The following GRID1 variants were observed in gnomAD, a reference collection of about 807,000 sequenced individuals.
The protein encoded by GRID1 is glutamate receptor ionotropic, delta-1.
A neutral mutation model predicts 98.0 loss-of-function variants in GRID1; 28 were observed. The observed-to-expected ratio is 0.29, with a 90% CI of 0.21 to 0.39. GRID1 has a LOEUF of 0.39. Among genes scored for constraint, GRID1 ranks in the 10% least tolerant of loss-of-function variants. GRID1 has a pLI of 1.00. For missense variants in GRID1, 1,111 were observed against 1,340.5 expected, an observed-to-expected ratio of 0.83 and a Z score of 2.67; for synonymous variants, 553 against 538.5, an observed-to-expected ratio of 1.03 and a Z score of -0.37.
chr10:86,264,566 G>A (rs1847072641), intron 2 of GRID1: 1 of 442,532 alleles, frequency 2.3e-6, no homozygotes, highest in Admixed American at 2.4e-5. Context: ...CACCTGGAGA[G>A]CAAGGTTTCC....
chr10:85,683,897 T>A (rs1291005263), intron 12 of GRID1, among the ~76,000 whole-genome samples: 1 of 152,104 alleles, frequency 6.6e-6, no homozygotes, highest in East Asian at 1.9e-4. Context: ...TCATCTATTT[T>A]CTCTCGCTGG....
At chr10:85,961,857 A>G (rs1842272042) in intron 4 of GRID1, among the ~76,000 whole-genome samples, 1 of 151,760 alleles carries the variant, frequency 6.6e-6, no homozygotes, top group African/African-American at 2.4e-5. Flanking sequence ...GACAAAAAGG[A>G]TGGAAGGAAG....
At chr10:86,118,113 T>C (rs4622200) in intron 4 of GRID1, among the ~76,000 whole-genome samples, 80,144 of 151,696 alleles carry the variant, frequency 0.53, 23,532 homozygotes, top group East Asian at 0.71. Context: ...TAGATATATA[T>C]ACACACACAC....
chr10:86,236,019 T>C (rs191807484), intron 2 of GRID1, among the ~76,000 whole-genome samples: 2 of 152,364 alleles, frequency 1.3e-5, no homozygotes, highest in East Asian at 1.9e-4. Flanking sequence ...GCTGGCAGTG[T>C]ATGAGGGTTC....
chr10:86,075,399 A>G (rs1843866434), intron 4 of GRID1, among the ~76,000 whole-genome samples: 1 of 150,528 alleles, frequency 6.6e-6, no homozygotes, highest in Admixed American at 6.6e-5. Context: ...TGATGCTGCC[A>G]CAAGCCAAGG....
chr10:85,897,846 A>C (rs1841315623), intron 5 of GRID1, among the ~76,000 whole-genome samples: 1 of 148,022 alleles, frequency 6.8e-6, no homozygotes, highest in African/African-American at 2.6e-5. Context: ...TTCTAACTGA[A>C]ATTTTGATTC....
intron 4 of GRID1, among the ~76,000 whole-genome samples, chr10:85,956,197 A>C (rs1842186804): frequency 1.3e-5 from 2 of 152,182 alleles, no homozygotes; most frequent in South Asian, 2.1e-4. Context: ...TCATTTCCTG[A>C]GTCAGACTGT....
intron 2 of GRID1, among the ~76,000 whole-genome samples, chr10:86,343,412 G>T (rs894612126): frequency 3.3e-5 from 5 of 152,202 alleles, no homozygotes; most frequent in African/African-American, 1.2e-4. Flanking sequence ...GGGCTTTACT[G>T]CCTGCCACCA....
chr10:86,097,713 T>C (rs1844241463), intron 4 of GRID1, among the ~76,000 whole-genome samples: 1 of 152,178 alleles, frequency 6.6e-6, no homozygotes, highest in African/African-American at 2.4e-5. Context: ...ATAATAACTA[T>C]ATGACACCAT....
At chr10:86,129,772 C>G (rs747295608) in intron 4 of GRID1, among the ~76,000 whole-genome samples, 1 of 152,220 alleles carries the variant, frequency 6.6e-6, no homozygotes, top group Non-Finnish European at 1.5e-5. Context: ...TCCCAACTCT[C>G]TGTCCTTCAA....
chr10:86,333,762 A>G (rs1443990248), intron 2 of GRID1, among the ~76,000 whole-genome samples: 1 of 152,208 alleles, frequency 6.6e-6, no homozygotes, highest in Non-Finnish European at 1.5e-5. Context: ...TATATTTACT[A>G]TTCCACTATT....
chr10:85,751,371 C>T (rs1842044338), intron 8 of GRID1, among the ~76,000 whole-genome samples: 1 of 152,160 alleles, frequency 6.6e-6, no homozygotes, highest in African/African-American at 2.4e-5. Context: ...GAAGGGTTTG[C>T]ACAGGAGACA....
In GRID1 at chr10:85,815,158, T is replaced by G. The variant is rs1051802637; in HGVS notation, c.1233+39338A>C. 5.3e-5 allele frequency among the ~76,000 whole-genome samples: 8 copies of G among 152,030 alleles called. No individual in the cohort carries two copies. In the South Asian group the frequency reaches 1.7e-3, roughly 31 times the overall value. ...CTGAAAACCTGAGAGAAAAAAATCATAATCATCTCCATGAACCATTCAACA... is the reference window on the plus strand; with the variant it reads ...CTGAAAACCTGAGAGAAAAAAATCAGAATCATCTCCATGAACCATTCAACA... On this transcript the variant is annotated intron_variant, in intron 8 of 15. Coordinates refer to ENST00000327946, the MANE Select transcript of GRID1 (RefSeq NM_017551.3).
intron 2 of GRID1, among the ~76,000 whole-genome samples, chr10:86,227,609 C>T (rs1424151359): frequency 6.6e-6 from 1 of 152,124 alleles, no homozygotes; most frequent in Non-Finnish European, 1.5e-5. Context: ...AATACCTGCT[C>T]CCACCCCATT....
At chr10:86,154,763 G>T (rs1845220834) in intron 3 of GRID1, among the ~76,000 whole-genome samples, 2 of 152,168 alleles carry the variant, frequency 1.3e-5, no homozygotes, top group African/African-American at 4.8e-5. Flanking sequence ...TGTGCAAACT[G>T]AAGAGGAGGA....
At chr10:86,219,632 G>C (rs113958983) in intron 2 of GRID1, among the ~76,000 whole-genome samples, 2,151 of 152,330 alleles carry the variant, frequency 0.014, 65 homozygotes, top group African/African-American at 0.048. Flanking sequence ...AGGAGGGAGA[G>C]AGCTGGGGTG....
At chr10:85,738,949 C>A (rs997329564) in intron 8 of GRID1, among the ~76,000 whole-genome samples, 4 of 152,092 alleles carry the variant, frequency 2.6e-5, no homozygotes, top group African/African-American at 9.7e-5. Flanking sequence ...ATACATTTGT[C>A]AGAGCTGATC....
At chr10:86,282,173 A>G (rs1235007067) in intron 2 of GRID1, among the ~76,000 whole-genome samples, 2 of 152,182 alleles carry the variant, frequency 1.3e-5, no homozygotes, top group African/African-American at 4.8e-5. Context: ...AAGTGAATTC[A>G]TGAAGCCCCT....
intron 12 of GRID1, among the ~76,000 whole-genome samples, chr10:85,676,942 G>T (rs994087777): frequency 6.6e-6 from 1 of 152,148 alleles, no homozygotes; most frequent in African/African-American, 2.4e-5. Flanking sequence ...TATGTTTGGG[G>T]TAGTAATAAA....
Sources: gnomAD v4.1 joint callset for allele counts (sites outside exome capture counted in the v4.1 genomes callset) on GRCh38, gnomAD v4.1.1 for gene constraint, MANE v1.5 for transcripts, NCBI Gene and HGNC (gene_info 2026-07-23, HGNC 2026-07-21) for gene names.